Variants in LRRC1 observed in about 807,000 individuals in gnomAD.
LRRC1 encodes leucine-rich repeat-containing protein 1.
A neutral mutation model predicts 69.9 loss-of-function variants in LRRC1; 28 were observed. That is an observed-to-expected ratio of 0.40 (90% CI 0.30 to 0.55). The LOEUF (loss-of-function observed/expected upper bound fraction) is 0.55, where lower values mean the gene tolerates loss of function less well. LRRC1 is among the 20% of genes least tolerant of loss of function. The probability of loss-of-function intolerance (pLI) is 0.47; values close to 1 mark genes in which losing one functional copy is unlikely to be tolerated. For missense variants in LRRC1, 498 were observed against 609.0 expected (o/e 0.82, Z 1.92); for synonymous variants, 236 against 240.2 (o/e 0.98, Z 0.16).
In LRRC1 at chr6:53,896,805, C is replaced by T. The variant is rs750371080; in HGVS notation, c.504-24C>T. The T allele has an allele frequency of 8.2e-6, 12 of 1,463,260 alleles. No individual in the cohort carries two copies. In the South Asian group the frequency reaches 1.2e-4, roughly 14 times the overall value. The allele number at this position is 1,463,260 out of a possible 1,614,324, so 90.6% of individuals were successfully genotyped here. ...AGCATTTCTAAGTATTCTCTAAGTG[C>T]TCTTTATTTATTTTTTAAAATAGCT... On this transcript the variant is annotated intron_variant, in intron 5 of 13. Coordinates refer to ENST00000370888, the MANE Select transcript of LRRC1 (RefSeq NM_018214.5).
chr6:53,812,579 A>C (rs547663176), intron 1 of LRRC1, among the ~76,000 whole-genome samples: 19 of 150,818 alleles, frequency 1.3e-4, no homozygotes, highest in Admixed American at 6.0e-4. Context: ...AGTCCCAGCT[A>C]CTCGGGAGGC....
intron 4 of LRRC1, among the ~76,000 whole-genome samples, chr6:53,884,652 G>C (rs1336378957): frequency 6.6e-6 from 1 of 152,090 alleles, no homozygotes; most frequent in Non-Finnish European, 1.5e-5. Context: ...GTCTGCAGCT[G>C]CCTAGATGGT....
chr6:53,844,949 A>G (rs1765895078), intron 2 of LRRC1, among the ~76,000 whole-genome samples: 1 of 152,202 alleles, frequency 6.6e-6, no homozygotes, highest in Non-Finnish European at 1.5e-5. Context: ...TCACGCCTGT[A>G]ATCCCGGCAC....
At chr6:53,906,427 G>C (rs1008521283) in intron 10 of LRRC1, among the ~76,000 whole-genome samples, 5 of 152,318 alleles carry the variant, frequency 3.3e-5, no homozygotes, top group African/African-American at 1.2e-4. Flanking sequence ...CAGATCATGA[G>C]GAGAGCACTT....
intron 1 of LRRC1, among the ~76,000 whole-genome samples, chr6:53,797,031 T>C (rs138557274): frequency 1.1e-3 from 170 of 152,296 alleles, no homozygotes; most frequent in African/African-American, 4.0e-3. Flanking sequence ...CTTTGTGGTA[T>C]TTGTTTTTTT....
intron 2 of LRRC1, among the ~76,000 whole-genome samples, chr6:53,871,770 C>T (rs1449298791): frequency 2.0e-5 from 3 of 152,076 alleles, no homozygotes; most frequent in African/African-American, 7.2e-5. Flanking sequence ...CAGGTTCAAG[C>T]GATTCTCCCG....
At chr6:53,902,978 A>C (rs1768106696) in intron 9 of LRRC1, among the ~76,000 whole-genome samples, 1 of 152,116 alleles carries the variant, frequency 6.6e-6, no homozygotes, top group Non-Finnish European at 1.5e-5. Flanking sequence ...ATAGAGACTG[A>C]ACAAATGCCT....
intron 4 of LRRC1, among the ~76,000 whole-genome samples, chr6:53,894,241 A>G (rs1461326051): frequency 6.6e-6 from 1 of 152,186 alleles, no homozygotes; most frequent in Non-Finnish European, 1.5e-5. Flanking sequence ...TAATCATGTC[A>G]TGGTAGCATC....
chr6:53,845,731 G>T (rs1474635133), intron 2 of LRRC1, among the ~76,000 whole-genome samples: 2 of 152,226 alleles, frequency 1.3e-5, no homozygotes, highest in Admixed American at 6.5e-5. Context: ...TGAGACTTTT[G>T]TTAAAATGAA....
At chr6:53,882,149 C>A (rs1767311688) in intron 3 of LRRC1, among the ~76,000 whole-genome samples, 1 of 152,096 alleles carries the variant, frequency 6.6e-6, no homozygotes, top group Admixed American at 6.5e-5. Context: ...GAGTTTGAGA[C>A]CAGCCTGACC....
At chr6:53,861,051 G>A (rs762697231) in intron 2 of LRRC1, among the ~76,000 whole-genome samples, 17 of 152,062 alleles carry the variant, frequency 1.1e-4, no homozygotes, top group Non-Finnish European at 2.1e-4. Flanking sequence ...TGAGAGAAGG[G>A]TTGAGGATTG....
intron 4 of LRRC1, 143 bp from the exon 5 acceptor site, chr6:53,896,355 A>G: frequency 1.5e-6 from 1 of 685,866 alleles, no homozygotes. Context: ...GGGGGTGGTG[A>G]TGATAGGTAT....
At chr6:53,886,753 A>G (rs1217767886) in intron 4 of LRRC1, among the ~76,000 whole-genome samples, 1 of 152,144 alleles carries the variant, frequency 6.6e-6, no homozygotes, top group Non-Finnish European at 1.5e-5. Flanking sequence ...TACATCTTTC[A>G]TCATGCCTTC....
At chr6:53,914,994 CA>C (rs1308238138) in intron 11 of LRRC1, among the ~76,000 whole-genome samples, 1 of 152,140 alleles carries the variant, frequency 6.6e-6, no homozygotes. Context: ...TTCAGTGGAA[CA>C]AAAATGTTAA....
chr6:53,902,509 G>A (rs2127437725), intron 8 of LRRC1, 120 bp from the exon 9 acceptor site: 1 of 537,304 alleles, frequency 1.9e-6, no homozygotes, highest in Non-Finnish European at 3.2e-6. Context: ...AAAGCTAGAT[G>A]AGGAAAAAAT....
intron 1 of LRRC1, among the ~76,000 whole-genome samples, chr6:53,819,753 A>G (rs919698472): frequency 6.6e-6 from 1 of 152,176 alleles, no homozygotes; most frequent in Non-Finnish European, 1.5e-5. Flanking sequence ...TGGTTATGCT[A>G]CTACAGAGAT....
chr6:53,875,618 A>G (rs374223968), intron 2 of LRRC1, among the ~76,000 whole-genome samples: 1 of 152,190 alleles, frequency 6.6e-6, no homozygotes, highest in East Asian at 1.9e-4. Context: ...AAAGTGCACT[A>G]CTTTGGAATA....
At chr6:53,862,286 C>CGTGTGTGTGTGT (rs6149589) in intron 2 of LRRC1, among the ~76,000 whole-genome samples, 3 of 144,262 alleles carry the variant, frequency 2.1e-5, no homozygotes, top group South Asian at 2.3e-4. Flanking sequence ...TAACCTGAAT[C>CGTGTGTGTGTGT]GTGTGTGTGT....
At chr6:53,905,796 C>A (rs986427283) in intron 10 of LRRC1, among the ~76,000 whole-genome samples, 1 of 152,122 alleles carries the variant, frequency 6.6e-6, no homozygotes, top group Non-Finnish European at 1.5e-5. Flanking sequence ...TAAACATGAT[C>A]ATATTCTGAA....
Sources: allele counts gnomAD v4.1 joint callset (sites outside exome capture counted in the v4.1 genomes callset), GRCh38; gene constraint gnomAD v4.1.1; transcripts MANE v1.5; gene names NCBI Gene and HGNC (gene_info 2026-07-23, HGNC 2026-07-21).